The following WDR47 variants were observed in gnomAD, a reference collection of about 807,000 sequenced individuals.
WDR47 encodes the protein WD repeat domain 47.
Under a neutral mutation model 97.2 loss-of-function variants are expected in WDR47, and 32 were observed. The observed-to-expected ratio is 0.33, with a 90% CI of 0.25 to 0.44. WDR47 has a LOEUF of 0.44. Ranked by LOEUF, WDR47 falls within the 20% of genes least tolerant of loss-of-function variation. The pLI is 1.00. For synonymous variants in WDR47, 375 were observed against 373.5 expected, an observed-to-expected ratio of 1.00 and a Z score of -0.05; for missense variants, 782 against 1,102.3, an observed-to-expected ratio of 0.71 and a Z score of 4.11.
chr1:109,038,940 C>T (rs1663143582), intron 1 of WDR47, among the ~76,000 whole-genome samples: 1 of 152,180 alleles, frequency 6.6e-6, no homozygotes, highest in Admixed American at 6.5e-5. Flanking sequence ...GATCACGCCA[C>T]TGCACTCCAG....
intron 5 of WDR47, among the ~76,000 whole-genome samples, chr1:109,007,763 AGCCAATAAATG>A (rs1221638867): frequency 6.6e-6 from 1 of 152,208 alleles, no homozygotes; most frequent in African/African-American, 2.4e-5. Flanking sequence ...AAGGTCACAC[AGCCAATAAATG>A]GCAAAGCTAT....
chr1:109,020,886 ATTT>A (rs36061329), intron 2 of WDR47, among the ~76,000 whole-genome samples: 1 of 142,514 alleles, frequency 7.0e-6, no homozygotes, highest in African/African-American at 2.6e-5. Context: ...GGAACACTTC[ATTT>A]TTTTTTTTTT....
intron 7 of WDR47, among the ~76,000 whole-genome samples, chr1:109,000,481 C>G (rs1161646506): frequency 7.5e-6 from 1 of 133,780 alleles, no homozygotes; most frequent in African/African-American, 2.9e-5. Context: ...TGCACTTCAG[C>G]CTGGGCGACA....
At chr1:108,999,704 C>A (rs571903125) in intron 7 of WDR47, among the ~76,000 whole-genome samples, 13 of 151,648 alleles carry the variant, frequency 8.6e-5, no homozygotes, top group Admixed American at 8.6e-4. Flanking sequence ...AATTTAAATT[C>A]TATTTATGAT....
intron 2 of WDR47, among the ~76,000 whole-genome samples, chr1:109,020,950 G>A (rs1273073625): frequency 1.3e-5 from 2 of 148,398 alleles, no homozygotes; most frequent in Non-Finnish European, 3.0e-5. Flanking sequence ...ACAATGGTAC[G>A]ATCTCAACTC....
At chr1:109,036,071 A>G (rs1253127572) in intron 1 of WDR47, among the ~76,000 whole-genome samples, 1 of 152,260 alleles carries the variant, frequency 6.6e-6, no homozygotes, top group Middle Eastern at 3.4e-3. Context: ...CAAAGGTTTT[A>G]ATCTATAAAG....
intron 6 of WDR47, among the ~76,000 whole-genome samples, chr1:109,004,061 G>A (rs1342321120): frequency 2.0e-5 from 3 of 151,960 alleles, no homozygotes; most frequent in Non-Finnish European, 4.4e-5. Context: ...TCAGGAGATC[G>A]AGACCATCCT....
At position 109,005,130 on chromosome 1, in the gene WDR47, G is replaced by A. The variant is rs529698708; in HGVS notation, c.1131-415C>T. On this transcript the variant is annotated intron_variant, in intron 5 of 14. Transcript: ENST00000369962. ...TTTAAAAAATGAATAGCCCAGGCAC[G>A]GTGGCTCACTCCTGTAATCCCAGCA... Among the ~76,000 whole-genome samples, 283 of 152,168 alleles carry A rather than the reference G, an allele frequency of 1.9e-3. 1 individual carries two copies. The highest frequency in any genetic ancestry group is 3.2e-3 in the Non-Finnish European group (219 of 68,010).
chr1:108,971,326 TA>T lies in WDR47; in HGVS notation c.*103del. On this transcript the variant is annotated 3_prime_UTR_variant, in exon 15 of 15. Coordinates refer to ENST00000369962, the MANE Select transcript of WDR47 (RefSeq NM_001142551.2). ...ATGGTAATAAGGGGCCTCTTCGTGC[TA>T]AACCACTTTCCTGGACACTATGTTC... The T allele has an allele frequency of 6.6e-7, 1 of 1,506,246 alleles. No homozygotes were observed. The highest frequency in any genetic ancestry group is 9.0e-7 in the Non-Finnish European group (1 of 1,111,240). 93.3% of individuals were successfully genotyped at this position (1,506,246 alleles called of 1,614,324 possible). A position where few individuals can be genotyped will look rare whatever the true frequency, so the allele number is the denominator to read the frequency against.
At chr1:108,975,869 AGAG>A (rs1412515302) in intron 13 of WDR47, among the ~76,000 whole-genome samples, 4 of 152,206 alleles carry the variant, frequency 2.6e-5, no homozygotes, top group Non-Finnish European at 5.9e-5. Flanking sequence ...AAATACTGAA[AGAG>A]AAGAGGGCTA....
At chr1:109,018,312 G>C (rs1052608334) in intron 2 of WDR47, among the ~76,000 whole-genome samples, 3 of 151,670 alleles carry the variant, frequency 2.0e-5, no homozygotes, top group Non-Finnish European at 4.4e-5. Flanking sequence ...AGCTGGCCGT[G>C]GTGGCGGGCG....
Position 108,982,689 on chromosome 1 carries a change from C to T in WDR47, c.2186G>A (p.Ser729Asn). The T allele has an allele frequency of 6.2e-7, 1 of 1,614,128 alleles. No individual in the cohort carries two copies. The highest frequency in any genetic ancestry group is 8.5e-7 in the Non-Finnish European group (1 of 1,180,026). The change falls in exon 12 of 15, where the codon AGT (serine) becomes AAT (asparagine). Residue 729 changes from serine (S) to asparagine (N), a missense_variant. By Grantham distance (46) the Ser-to-Asn change is conservative. Around this residue, in one of 3 missense-constraint regions of WDR47, gnomAD observed 228 missense variants for 396.7 expected, o/e 0.57. Transcript: ENST00000369962. ...GPESGGAILI[S>N]AGAGDCNIYT... ...AATGTTACAATCCCCTGCTCCAGCACTTATTAAAATAGCTCCTCCGCTTTC... is the reference window on the plus strand; with the variant it reads ...AATGTTACAATCCCCTGCTCCAGCATTTATTAAAATAGCTCCTCCGCTTTC...
intron 9 of WDR47, 93 bp downstream of exon 9, chr1:108,991,161 G>A (rs1159931885): frequency 8.1e-6 from 10 of 1,241,254 alleles, no homozygotes; most frequent in Admixed American, 1.8e-5. Flanking sequence ...CACCACGTCT[G>A]ACTAAAATGG....
intron 1 of WDR47, among the ~76,000 whole-genome samples, chr1:109,029,875 CA>C (rs1423020814): frequency 0.013 from 1,228 of 96,044 alleles, 8 homozygotes; most frequent in African/African-American, 0.041. Context: ...GACTTCGTCT[CA>C]AAAAAAAAAA....
intron 8 of WDR47, 88 bp downstream of exon 8, chr1:108,995,492 T>G: frequency 6.7e-7 from 1 of 1,499,566 alleles, no homozygotes. Flanking sequence ...CTAAAAACTT[T>G]TATTTATAAG....
chr1:109,006,017 T>C (rs1386598846), intron 5 of WDR47, among the ~76,000 whole-genome samples: 1 of 152,228 alleles, frequency 6.6e-6, no homozygotes, highest in Non-Finnish European at 1.5e-5. Context: ...CTTTATAAAA[T>C]ATAAACTTAC....
At chr1:108,992,165 G>A in intron 8 of WDR47, 1 of 652,928 alleles carries the variant, frequency 1.5e-6, no homozygotes, top group East Asian at 2.7e-5. Flanking sequence ...GGAAACAAGA[G>A]CAAGATCTAT....
chr1:108,985,242 C>T (rs1428933862), intron 10 of WDR47, among the ~76,000 whole-genome samples: 1 of 152,196 alleles, frequency 6.6e-6, no homozygotes, highest in Non-Finnish European at 1.5e-5. Context: ...TCTCTGCGGC[C>T]TTATCAAACT....
chr1:109,039,967 C>T (rs1399521076), intron 1 of WDR47, among the ~76,000 whole-genome samples: 1 of 143,062 alleles, frequency 7.0e-6, no homozygotes, highest in East Asian at 2.0e-4. Context: ...ACCCAGGAGG[C>T]AGAGGCTGCA....
Sources: allele counts gnomAD v4.1 joint callset (sites outside exome capture counted in the v4.1 genomes callset), GRCh38; gene constraint gnomAD v4.1.1; regional missense constraint gnomAD v4.1.1; transcripts MANE v1.5; gene names NCBI Gene and HGNC (gene_info 2026-07-23, HGNC 2026-07-21).